Variants in PCDHGC4 observed in about 807,000 individuals in gnomAD.
PCDHGC4 encodes the protein protocadherin gamma subfamily C, 4, also known as protocadherin gamma-C4.
A neutral mutation model predicts 59.7 loss-of-function variants in PCDHGC4; 15 were observed. The observed-to-expected ratio is 0.25, with a 90% CI of 0.17 to 0.39. PCDHGC4 has a LOEUF of 0.39. Ranked by LOEUF, PCDHGC4 falls within the 10% of genes least tolerant of loss-of-function variation. The pLI is 1.00. For missense variants in PCDHGC4, 1,016 were observed against 1,189.5 expected (o/e 0.85, Z 2.15); for synonymous variants, 434 against 481.4 (o/e 0.90, Z 1.29).
chr5:141,511,485 C>T lies in PCDHGC4; in HGVS notation c.*312C>T, dbSNP rs1324849800. 1.8e-5 allele frequency: 8 copies of T among 453,300 alleles called. No individual in the cohort carries two copies. The highest frequency in any genetic ancestry group is 1.2e-4 in the African/African-American group (6 of 50,332). The allele number at this position is 453,300 out of a possible 1,614,324, so 28.1% of individuals were successfully genotyped here. A position where few individuals can be genotyped will look rare whatever the true frequency, so the allele number is the denominator to read the frequency against. On this transcript the variant is annotated 3_prime_UTR_variant, in exon 4 of 4. Coordinates refer to ENST00000306593, the MANE Select transcript of PCDHGC4 (RefSeq NM_018928.3). Reference sequence around the variant, plus strand: ...ACCCCGTTTAGTTACAGCTGAACTCCTCCATCTTCCAAATCAATCAGGCCC... The same window carrying T: ...ACCCCGTTTAGTTACAGCTGAACTCTTCCATCTTCCAAATCAATCAGGCCC...
chr5:141,491,047 G>A lies in PCDHGC4; in HGVS notation c.2442+3432G>A, dbSNP rs751761240. On this transcript the variant is annotated intron_variant, in intron 1 of 3. Coordinates refer to ENST00000306593, the MANE Select transcript of PCDHGC4 (RefSeq NM_018928.3). The surrounding 1 kb of genome is among the most constrained non-coding windows in gnomAD (Gnocchi z 6.9). Reference sequence around the variant, plus strand: ...CGTGGATGCTGATGCAGGCCACAATGCGTGGCTCTCCTACTCACTGTTGCC... The same window carrying A: ...CGTGGATGCTGATGCAGGCCACAATACGTGGCTCTCCTACTCACTGTTGCC... 4 of 1,614,054 alleles carry A rather than the reference G, an allele frequency of 2.5e-6. No homozygotes were observed. Among genetic ancestry groups the A allele is most frequent in the Non-Finnish European group, 3.4e-6 (4 of 1,180,034 alleles).
At position 141,490,982 on chromosome 5, in the gene PCDHGC4, G is replaced by T; in HGVS notation, c.2442+3367G>T. ...CACTCAGCCCCCCAGCGTCTCCCTC[G>T]CTCTGCTCCTCCTGGCTCCTTGGTC... On this transcript the variant is annotated intron_variant, in intron 1 of 3. Coordinates refer to ENST00000306593, the MANE Select transcript of PCDHGC4 (RefSeq NM_018928.3). This position sits in a 1 kb window ranked among gnomAD's most constrained non-coding sequence, Gnocchi z 5.4. 1.2e-6 allele frequency: 2 copies of T among 1,613,994 alleles called. No individual in the cohort carries two copies. The highest frequency in any genetic ancestry group is 1.7e-6 in the Non-Finnish European group (2 of 1,180,002).
rs369323252 is a variant in PCDHGC4 at position 141,487,658 on chromosome 5, G to T, written c.2442+43G>T. ...TCAACAAATGCTTGAGGGTTATTCT[G>T]ATCCAGGCATATGGCTAGGCCATGT... On this transcript the variant is annotated intron_variant, in intron 1 of 3. Coordinates refer to ENST00000306593, the MANE Select transcript of PCDHGC4 (RefSeq NM_018928.3). This position sits in a 1 kb window ranked among gnomAD's most constrained non-coding sequence, Gnocchi z 5.0. The T allele has an allele frequency of 8.7e-5, 140 of 1,613,508 alleles. No individual in the cohort carries two copies. The highest frequency in any genetic ancestry group is 1.1e-4 in the Non-Finnish European group (134 of 1,179,802).
chr5:141,509,442 T>C (rs1473514859), intron 3 of PCDHGC4, among the ~76,000 whole-genome samples: 3 of 152,008 alleles, frequency 2.0e-5, no homozygotes, highest in Non-Finnish European at 2.9e-5. Flanking sequence ...TGTTTCCTCC[T>C]CTCCCACCCC....
chr5:141,492,125 C>T (rs1284932830), intron 1 of PCDHGC4, among the ~76,000 whole-genome samples: 1 of 152,222 alleles, frequency 6.6e-6, no homozygotes, highest in Non-Finnish European at 1.5e-5. Context: ...TTCTCCCCAG[C>T]TCCCAGCATC....
rs1193417991 is a variant in PCDHGC4 at position 141,491,413 on chromosome 5, G to C, written c.2443-3394G>C. 5.0e-6 allele frequency: 8 copies of C among 1,613,946 alleles called. No individual in the cohort carries two copies. Among genetic ancestry groups the C allele is most frequent in the African/African-American group, 1.3e-5 (1 of 74,906 alleles). ...CCTTCAGGGAAACGCAGACGGGGAC[G>C]GGGGTGGAGGGCAGTGCTGCAGGCG... On this transcript the variant is annotated intron_variant, in intron 1 of 3. Transcript: ENST00000306593. The surrounding 1 kb of genome is among the most constrained non-coding windows in gnomAD (Gnocchi z 6.9).
At position 141,486,408 on chromosome 5, in the gene PCDHGC4, C is replaced by G; in HGVS notation, c.1235C>G (p.Pro412Arg). The G allele has an allele frequency of 1.2e-6, 2 of 1,614,156 alleles. No homozygotes were observed. The highest frequency in any genetic ancestry group is 1.7e-6 in the Non-Finnish European group (2 of 1,180,014). ...RNQFSLVTAG[P>R]LDREAKSSYD... Reference sequence around the variant, plus strand: ...CAGTTCTCCCTGGTGACTGCTGGACCCTTGGATCGAGAGGCCAAATCTAGC... The same window carrying G: ...CAGTTCTCCCTGGTGACTGCTGGACGCTTGGATCGAGAGGCCAAATCTAGC... Residue 412 changes from proline to arginine, a missense_variant, in exon 1 of 4, where the codon CCC becomes CGC. Transcript: ENST00000306593. This position sits in a 1 kb window ranked among gnomAD's most constrained non-coding sequence, Gnocchi z 5.0.
At chr5:141,502,363 T>C (rs1216939790) in intron 2 of PCDHGC4, among the ~76,000 whole-genome samples, 2 of 152,100 alleles carry the variant, frequency 1.3e-5, no homozygotes, top group African/African-American at 4.8e-5. Context: ...ATGGATATTT[T>C]TAAAGAGTCC....
Position 141,496,888 on chromosome 5 carries a change from TA to T in PCDHGC4, c.2501+2038del, listed in dbSNP as rs35063790. 4.6e-3 allele frequency among the ~76,000 whole-genome samples: 621 copies of T among 133,932 alleles called. 1 individual carries two copies. Among genetic ancestry groups the T allele is most frequent in the Middle Eastern group, 0.011 (3 of 270 alleles). 87.9% of individuals were successfully genotyped at this position (133,932 alleles called of 152,430 possible). ...CTGAAAATTTGCAACAAGTAACACT[TA>T]AAAAAAAAAAAAAAGGCTGGGCACT... On this transcript the variant is annotated intron_variant, in intron 2 of 3. Coordinates refer to ENST00000306593, the MANE Select transcript of PCDHGC4 (RefSeq NM_018928.3).
intron 2 of PCDHGC4, 107 bp from the exon 3 acceptor site, chr5:141,505,286 A>T: frequency 3.2e-6 from 5 of 1,551,278 alleles, no homozygotes; most frequent in Non-Finnish European, 4.4e-6. Flanking sequence ...GGTCTTGGGC[A>T]TGGGGTAGGG....
chr5:141,505,267 A>G (rs2099845018), intron 2 of PCDHGC4, 126 bp from the exon 3 acceptor site: 1 of 1,514,640 alleles, frequency 6.6e-7, no homozygotes, highest in Admixed American at 2.0e-5. Flanking sequence ...TACCTTGCTG[A>G]GAGAAACAGG....
At position 141,490,521 on chromosome 5, in the gene PCDHGC4, C is replaced by T. The variant is rs146064810; in HGVS notation, c.2442+2906C>T. The stretch of plus-strand genomic sequence containing the variant: ...ACTATATCATCGAGCTGCTGGCCAG[C>T]GATGCTGGTTCACCTTCCCTACACA... On this transcript the variant is annotated intron_variant, in intron 1 of 3. Coordinates refer to ENST00000306593, the MANE Select transcript of PCDHGC4 (RefSeq NM_018928.3). This position sits in a 1 kb window ranked among gnomAD's most constrained non-coding sequence, Gnocchi z 5.4. The T allele has an allele frequency of 1.0e-4, 166 of 1,614,058 alleles. No individual in the cohort carries two copies. In the African/African-American group the frequency reaches 1.7e-3, roughly 16 times the overall value.
chr5:141,498,976 G>A (rs1311505059), intron 2 of PCDHGC4, among the ~76,000 whole-genome samples: 1 of 13,010 alleles, frequency 7.7e-5, no homozygotes, highest in Non-Finnish European at 2.3e-4. Context: ...AGGGAGGGAA[G>A]GAAGGAAGGA....
At chr5:141,506,444 CAAA>C (rs1219684339) in intron 3 of PCDHGC4, among the ~76,000 whole-genome samples, 12 of 95,004 alleles carry the variant, frequency 1.3e-4, no homozygotes, top group Admixed American at 3.3e-4. Context: ...CGCTCTGTCT[CAAA>C]AAAAAAAAAA....
Position 141,512,738 on chromosome 5 carries a change from C to A in PCDHGC4, c.*1565C>A, listed in dbSNP as rs1350606944. 2 of 152,840 alleles carry A rather than the reference C, an allele frequency of 1.3e-5. No individual in the cohort carries two copies. The highest frequency in any genetic ancestry group is 2.1e-4 in the South Asian group (1 of 4,838). The allele number at this position is 152,840 out of a possible 1,614,324, so 9.5% of individuals were successfully genotyped here. A position where few individuals can be genotyped will look rare whatever the true frequency, so the allele number is the denominator to read the frequency against. On this transcript the variant is annotated 3_prime_UTR_variant, in exon 4 of 4. Transcript: ENST00000306593. ...TGGCGGGTGGGCAGCGGGCGGCGGG[C>A]TCCGCGCAGCCGTCTGTCCTTGATC...
At position 141,486,891 on chromosome 5, in the gene PCDHGC4, G is replaced by A. The variant is rs201201426; in HGVS notation, c.1718G>A (p.Gly573Asp). 38 of 1,614,118 alleles carry A rather than the reference G, an allele frequency of 2.4e-5. No individual in the cohort carries two copies. The highest frequency in any genetic ancestry group is 3.1e-5 in the Non-Finnish European group (37 of 1,180,064). ...PAVLRPRARP[G>D]SLCPQALPPS... Reference sequence around the variant, plus strand: ...GTGCTCCGTCCTCGGGCCCGGCCTGGTTCCTTATGTCCCCAAGCACTGCCT... The same window carrying A: ...GTGCTCCGTCCTCGGGCCCGGCCTGATTCCTTATGTCCCCAAGCACTGCCT... The change falls in exon 1 of 4, where the codon GGT becomes GAT. Residue 573 changes from glycine (G) to aspartate (D), a missense_variant. Coordinates refer to ENST00000306593, the MANE Select transcript of PCDHGC4 (RefSeq NM_018928.3). This position sits in a 1 kb window ranked among gnomAD's most constrained non-coding sequence, Gnocchi z 5.0.
chr5:141,495,853 C>T (rs1254274145), intron 2 of PCDHGC4, among the ~76,000 whole-genome samples: 1 of 152,136 alleles, frequency 6.6e-6, no homozygotes, highest in African/African-American at 2.4e-5. Context: ...TTCTCTGTCT[C>T]TCACTATTTC....
chr5:141,497,412 A>G (rs963440048), intron 2 of PCDHGC4, among the ~76,000 whole-genome samples: 13 of 151,982 alleles, frequency 8.6e-5, no homozygotes, highest in African/African-American at 3.1e-4. Flanking sequence ...CTCCCATTCC[A>G]TCAAATGAGA....
chr5:141,487,890 G>C lies in PCDHGC4; in HGVS notation c.2442+275G>C. 3 of 745,430 alleles carry C rather than the reference G, an allele frequency of 4.0e-6. No homozygotes were observed. Among genetic ancestry groups the C allele is most frequent in the Non-Finnish European group, 6.5e-6 (3 of 462,522 alleles). The allele number at this position is 745,430 out of a possible 1,614,324, so 46.2% of individuals were successfully genotyped here. A position where few individuals can be genotyped will look rare whatever the true frequency, so the allele number is the denominator to read the frequency against. On this transcript the variant is annotated intron_variant, in intron 1 of 3. Coordinates refer to ENST00000306593, the MANE Select transcript of PCDHGC4 (RefSeq NM_018928.3). This position sits in a 1 kb window ranked among gnomAD's most constrained non-coding sequence, Gnocchi z 5.0. ...AAGAGCCAGGCTGTTGTGGAAGCAT[G>C]ATGATGGAATGTGGGAGCACAGGAG...
Sources: gnomAD v4.1 joint callset for allele counts (sites outside exome capture counted in the v4.1 genomes callset) on GRCh38, gnomAD v4.1.1 for gene constraint, Gnocchi (gnomAD v3.1) non-coding constraint, MANE v1.5 for transcripts, NCBI Gene and HGNC (gene_info 2026-07-23, HGNC 2026-07-21) for gene names.